CTSB: variants seen among roughly 807,000 people sequenced by gnomAD.
CTSB encodes cathepsin B, also known as APP secretase.
Under a neutral mutation model 44.3 loss-of-function variants are expected in CTSB, and 57 were observed. The observed-to-expected ratio is 1.29, with a 90% CI of 1.04 to 1.60. CTSB has a LOEUF of 1.60. Ranked by LOEUF, CTSB falls within the 40% of genes most tolerant of loss-of-function variation. The pLI, the probability that CTSB is intolerant of heterozygous loss-of-function variation, is 0.00. For synonymous variants in CTSB, 320 were observed against 168.0 expected (o/e 1.91, Z -7.00); for missense variants, 768 against 443.0 (o/e 1.73, Z -6.59).
rs938779605 is a variant in CTSB at position 11,844,027 on chromosome 8, T to C, written c.*1098A>G. The C allele has an allele frequency of 6.6e-6, 1 of 151,726 alleles. No individual in the cohort carries two copies. Among genetic ancestry groups the C allele is most frequent in the Non-Finnish European group, 1.5e-5 (1 of 68,036 alleles). The allele number at this position is 151,726 out of a possible 1,614,324, so 9.4% of individuals were successfully genotyped here. A position where few individuals can be genotyped will look rare whatever the true frequency, so the allele number is the denominator to read the frequency against. On this transcript the variant is annotated 3_prime_UTR_variant, in exon 10 of 10. Transcript: ENST00000353047. ...CAGCCTGGGAGACGGAATCTCACTC[T>C]GTCAGTCACAACAACAACAAAAAAA...
intron 1 of CTSB, among the ~76,000 whole-genome samples, chr8:11,860,842 G>A (rs186505379): frequency 5.9e-5 from 9 of 152,176 alleles, no homozygotes; most frequent in African/African-American, 9.6e-5. Context: ...CGCTAATAAC[G>A]GCAGTTGCTC....
chr8:11,854,845 G>C (rs1815246491), intron 1 of CTSB: 1 of 152,260 alleles, frequency 6.6e-6, no homozygotes, highest in African/African-American at 2.4e-5. Flanking sequence ...AAAATGCTGG[G>C]TGATGCTCAT....
chr8:11,865,910 G>T (rs1817064262), intron 1 of CTSB, among the ~76,000 whole-genome samples: 1 of 149,244 alleles, frequency 6.7e-6, no homozygotes, highest in Non-Finnish European at 1.5e-5. Flanking sequence ...AGCTACTTGG[G>T]AGGGAGGCTG....
intron 5 of CTSB, 125 bp from the exon 6 acceptor site, chr8:11,848,277 G>C (rs747722311): frequency 3.7e-6 from 3 of 817,932 alleles, no homozygotes; most frequent in Non-Finnish European, 6.3e-6. Flanking sequence ...AGTGGTGCGA[G>C]CAGACCTCCC....
chr8:11,852,326 G>T (rs1437426806), intron 3 of CTSB, among the ~76,000 whole-genome samples: 3 of 152,082 alleles, frequency 2.0e-5, no homozygotes, highest in African/African-American at 7.2e-5. Flanking sequence ...AGCCAAGATC[G>T]TGCCACTGCA....
chr8:11,852,448 T>C (rs1293290), intron 3 of CTSB, among the ~76,000 whole-genome samples, 162 bp downstream of exon 3: 42,676 of 151,954 alleles, frequency 0.28, 6,499 homozygotes, highest in African/African-American at 0.36. Flanking sequence ...GAAAGTAATA[T>C]AAAAATGAAA....
In CTSB at chr8:11,851,041, C is replaced by G. The variant is rs544703192; in HGVS notation, c.213-61G>C. 8 of 1,259,876 alleles carry G rather than the reference C, an allele frequency of 6.3e-6. No homozygotes were observed. In the African/African-American group the frequency reaches 8.8e-5, roughly 14 times the overall value. The allele number at this position is 1,259,876 out of a possible 1,614,324, so 78.0% of individuals were successfully genotyped here. On this transcript the variant is annotated intron_variant, in intron 3 of 9. Transcript: ENST00000353047. ...CCCACAACTCCCTCCCCAATCCCTG[C>G]AAAGGCCACTTTGGCTGGGCCACAC...
rs936726236 is a variant in CTSB, at chr8:11,852,710, C to T, written c.127-15G>A. On this transcript the variant is annotated splice_polypyrimidine_tract_variant and intron_variant, in intron 2 of 9. Transcript: ENST00000353047. Reference sequence around the variant, plus strand: ...TTGTGCCCGGCCTGGAAGAGAGTCACCCACTGACTGAAGGGTCTCCCGGGA... The same window carrying T: ...TTGTGCCCGGCCTGGAAGAGAGTCATCCACTGACTGAAGGGTCTCCCGGGA... 6.2e-7 allele frequency: 1 copy of T among 1,611,984 alleles called. No individual in the cohort carries two copies. Among genetic ancestry groups the T allele is most frequent in the South Asian group, 1.1e-5 (1 of 91,030 alleles).
chr8:11,849,075 G>C lies in CTSB; in HGVS notation c.417C>G (p.Leu139=). 6.2e-7 allele frequency: 1 copy of C among 1,613,368 alleles called. No individual in the cohort carries two copies. Among genetic ancestry groups the C allele is most frequent in the Non-Finnish European group, 8.5e-7 (1 of 1,179,690 alleles). Residue 139 remains leucine (L), a synonymous_variant, in exon 5 of 10, where the codon CTC becomes CTG. Coordinates refer to ENST00000353047, the MANE Select transcript of CTSB (RefSeq NM_001908.5). ...CCCCACACATGCTGCCACAGCATGT[G>C]AGCAGGTCCTCCGCCGACACCTCCA... ...VSVEVSAEDL[L]TCCGSMCGDG...
intron 7 of CTSB, 50 bp from the exon 8 acceptor site, chr8:11,847,218 G>A (rs368992554): frequency 6.9e-5 from 80 of 1,159,068 alleles, no homozygotes; most frequent in Non-Finnish European, 9.4e-5. Flanking sequence ...ACCGTGCCTC[G>A]TGGCACGCCA....
rs775110169 is a variant in CTSB, at chr8:11,852,653, T to C, written c.169A>G (p.Arg57Gly). Residue 57 changes from arginine (R) to glycine (G), a missense_variant, in exon 3 of 10, where the codon AGG becomes GGG. Coordinates refer to ENST00000353047, the MANE Select transcript of CTSB (RefSeq NM_001908.5). Reference sequence around the variant, plus strand: ...CCACCCAGGAAGGTACCACATAGCCTCTTCAAGTAGCTCATGTCCACGTTG... The same window carrying C: ...CCACCCAGGAAGGTACCACATAGCCCCTTCAAGTAGCTCATGTCCACGTTG... ...FYNVDMSYLK[R>G]LCGTFLGGPK... is the part of the protein sequence containing the mutation. 1.9e-6 allele frequency: 3 copies of C among 1,613,880 alleles called. No individual in the cohort carries two copies. The highest frequency in any genetic ancestry group is 3.3e-5 in the Admixed American group (2 of 59,992).
intron 7 of CTSB, among the ~76,000 whole-genome samples, chr8:11,847,387 G>A (rs1006866731): frequency 1.3e-5 from 2 of 152,144 alleles, no homozygotes; most frequent in Non-Finnish European, 2.9e-5. Context: ...TGAGCACGAG[G>A]CCCCGGAAGA....
Position 11,852,600 on chromosome 8 carries a change from A to C in CTSB, c.212+10T>G. On this transcript the variant is annotated intron_variant, in intron 3 of 9. Coordinates refer to ENST00000353047, the MANE Select transcript of CTSB (RefSeq NM_001908.5). Reference sequence around the variant, plus strand: ...TCACATTACAGCGGTGCAGAGGAGCAGGCACTCACCTCTGGGGTGGCTTGG... The same window carrying C: ...TCACATTACAGCGGTGCAGAGGAGCCGGCACTCACCTCTGGGGTGGCTTGG... 1 of 1,605,530 alleles carries C rather than the reference A, an allele frequency of 6.2e-7. No individual in the cohort carries two copies.
Position 11,847,185 on chromosome 8 carries a change from G to C in CTSB, c.677-17C>G, listed in dbSNP as rs1322505849. 6.4e-7 allele frequency: 1 copy of C among 1,553,534 alleles called. No individual in the cohort carries two copies. Among genetic ancestry groups the C allele is most frequent in the Admixed American group, 1.7e-5 (1 of 59,810 alleles). ...AATTGTATCCTGGAAAATGAACCGA[G>C]CTCGGGGTTGGGGAGGGCAGTGACC... On this transcript the variant is annotated splice_polypyrimidine_tract_variant and intron_variant, in intron 7 of 9. Coordinates refer to ENST00000353047, the MANE Select transcript of CTSB (RefSeq NM_001908.5).
intron 1 of CTSB, chr8:11,857,950 G>A (rs1815783065): frequency 6.6e-6 from 1 of 152,370 alleles, no homozygotes; most frequent in African/African-American, 2.4e-5. Context: ...GCTGCAACCG[G>A]ACGATAAAAT....
intron 5 of CTSB, 123 bp from the exon 6 acceptor site, chr8:11,848,275 G>C (rs376035491): frequency 3.0e-5 from 25 of 825,672 alleles, no homozygotes; most frequent in Non-Finnish European, 4.4e-5. Context: ...CAAGTGGTGC[G>C]AGCAGACCTC....
At position 11,847,883 on chromosome 8, in the gene CTSB, A is replaced by G. The variant is rs1458644111; in HGVS notation, c.533-61T>C. 5.7e-6 allele frequency: 8 copies of G among 1,413,846 alleles called. No individual in the cohort carries two copies. In the African/African-American group the frequency reaches 6.8e-5, roughly 12 times the overall value. The allele number at this position is 1,413,846 out of a possible 1,614,324, so 87.6% of individuals were successfully genotyped here. A position where few individuals can be genotyped will look rare whatever the true frequency, so the allele number is the denominator to read the frequency against. On this transcript the variant is annotated intron_variant, in intron 6 of 9. Transcript: ENST00000353047. Reference sequence around the variant, plus strand: ...AGCCCCCACGGAGAAGACCTGGGGCAAGGCAAGCCTCGTGCCTGCAGCATG... The same window carrying G: ...AGCCCCCACGGAGAAGACCTGGGGCGAGGCAAGCCTCGTGCCTGCAGCATG...
intron 1 of CTSB, among the ~76,000 whole-genome samples, chr8:11,857,153 A>G (rs1196194192): frequency 1.3e-5 from 2 of 152,134 alleles, no homozygotes; most frequent in Non-Finnish European, 2.9e-5. Flanking sequence ...CCTCCTGAGT[A>G]GCTGGGATTA....
At chr8:11,865,223 C>T (rs934322508) in intron 1 of CTSB, among the ~76,000 whole-genome samples, 5 of 152,098 alleles carry the variant, frequency 3.3e-5, no homozygotes, top group Admixed American at 3.3e-4. Context: ...CACATGTTTC[C>T]AATAATTTCC....
Sources: allele counts gnomAD v4.1 joint callset (sites outside exome capture counted in the v4.1 genomes callset), GRCh38; gene constraint gnomAD v4.1.1; transcripts MANE v1.5; gene names NCBI Gene and HGNC (gene_info 2026-07-23, HGNC 2026-07-21).